FAM171A1: variants seen among roughly 807,000 people sequenced by gnomAD.
FAM171A1 encodes protein FAM171A1.
FAM171A1 carries 23 observed loss-of-function variants against 74.9 expected under a neutral mutation model. The observed-to-expected ratio is 0.31, with a 90% CI of 0.22 to 0.44. FAM171A1 has a LOEUF of 0.44. FAM171A1 is among the 20% of genes least tolerant of loss of function. FAM171A1 has a pLI of 1.00. For missense variants in FAM171A1, 1,162 were observed against 1,159.2 expected (o/e 1.00, Z -0.03); for synonymous variants, 527 against 505.7 (o/e 1.04, Z -0.57).
At chr10:15,369,079 A>G (rs777872046) in intron 1 of FAM171A1, among the ~76,000 whole-genome samples, 5 of 152,146 alleles carry the variant, frequency 3.3e-5, no homozygotes, top group African/African-American at 4.8e-5. Flanking sequence ...ACTGCTAGCC[A>G]TGGCAGAAAC....
At chr10:15,342,445 G>T (rs1285395588) in intron 1 of FAM171A1, among the ~76,000 whole-genome samples, 3 of 152,166 alleles carry the variant, frequency 2.0e-5, no homozygotes, top group Non-Finnish European at 4.4e-5. Context: ...TAGCGCTCCT[G>T]TAGTCTCAGC....
At chr10:15,294,621 G>C (rs1032961118) in intron 1 of FAM171A1, among the ~76,000 whole-genome samples, 14 of 152,098 alleles carry the variant, frequency 9.2e-5, no homozygotes, top group African/African-American at 2.9e-4. Context: ...ATTTTAAGTA[G>C]TACAAAGAGC....
chr10:15,238,179 A>G (rs1178343437), intron 5 of FAM171A1, among the ~76,000 whole-genome samples: 1 of 152,230 alleles, frequency 6.6e-6, no homozygotes, highest in Non-Finnish European at 1.5e-5. Flanking sequence ...CCACCTCAGT[A>G]TTCCAATCTG....
At chr10:15,232,449 GT>G (rs917686351) in intron 5 of FAM171A1, among the ~76,000 whole-genome samples, 1 of 152,102 alleles carries the variant, frequency 6.6e-6, no homozygotes, top group African/African-American at 2.4e-5. Flanking sequence ...TTTCGCCATT[GT>G]TTTATCGCAA....
chr10:15,330,713 C>CTTTTTTTTTTTTTT (rs898772126), intron 1 of FAM171A1, among the ~76,000 whole-genome samples: 1 of 76,758 alleles, frequency 1.3e-5, no homozygotes, highest in Non-Finnish European at 2.3e-5. Flanking sequence ...TCTTCTTCTT[C>CTTTTTTTTTTTTTT]TTTTTTTTTT....
chr10:15,311,809 G>A (rs1439511689), intron 1 of FAM171A1, among the ~76,000 whole-genome samples: 2 of 152,192 alleles, frequency 1.3e-5, no homozygotes, highest in Non-Finnish European at 2.9e-5. Context: ...CCTTTTCTGT[G>A]CATGTGACAG....
At chr10:15,356,062 A>C (rs1047618387) in intron 1 of FAM171A1, among the ~76,000 whole-genome samples, 8 of 152,252 alleles carry the variant, frequency 5.3e-5, no homozygotes, top group Non-Finnish European at 1.0e-4. Flanking sequence ...GTTTGGATTA[A>C]GACATTATTG....
chr10:15,324,761 G>A (rs1455343224), intron 1 of FAM171A1, among the ~76,000 whole-genome samples: 4 of 151,826 alleles, frequency 2.6e-5, no homozygotes, highest in Admixed American at 1.3e-4. Flanking sequence ...ACAAAAAAAA[G>A]GACAAAAAAA....
At chr10:15,306,271 G>A (rs1354619848) in intron 1 of FAM171A1, among the ~76,000 whole-genome samples, 2 of 151,964 alleles carry the variant, frequency 1.3e-5, no homozygotes, top group Non-Finnish European at 2.9e-5. Context: ...CTTTGAAAAA[G>A]TCAAATTAAA....
At chr10:15,307,646 CAAAAA>C (rs560861841) in intron 1 of FAM171A1, among the ~76,000 whole-genome samples, 1,422 of 93,104 alleles carry the variant, frequency 0.015, 21 homozygotes, top group African/African-American at 0.057. Flanking sequence ...AACTCCATTT[CAAAAA>C]AAAAAAAAAA....
chr10:15,263,094 A>C (rs568503578), intron 3 of FAM171A1, among the ~76,000 whole-genome samples: 1 of 152,318 alleles, frequency 6.6e-6, no homozygotes, highest in East Asian at 1.9e-4. Context: ...CAAGCAGAGG[A>C]TGGAGACCAC....
In FAM171A1 at chr10:15,371,095, G is replaced by A. The variant is rs1401309970; in HGVS notation, c.-43C>T. The A allele has an allele frequency of 2.6e-5, 24 of 910,422 alleles. No homozygotes were observed. The highest frequency in any genetic ancestry group is 3.1e-5 in the Non-Finnish European group (24 of 763,064). The allele number at this position is 910,422 out of a possible 1,614,324, so 56.4% of individuals were successfully genotyped here. A position where few individuals can be genotyped will look rare whatever the true frequency, so the allele number is the denominator to read the frequency against. The stretch of plus-strand genomic sequence containing the variant: ...CGGCGGCTCGGGCTCGCCGAGAGCG[G>A]GCCGGGCGGCGGCGCGTCACGGGCG... On this transcript the variant is annotated 5_prime_UTR_variant, in exon 1 of 8. Coordinates refer to ENST00000378116, the MANE Select transcript of FAM171A1 (RefSeq NM_001010924.2).
chr10:15,266,654 T>C (rs1185631459), intron 3 of FAM171A1, among the ~76,000 whole-genome samples: 1 of 151,606 alleles, frequency 6.6e-6, no homozygotes, highest in African/African-American at 2.4e-5. Context: ...TCACTTGAGG[T>C]CAGGAGTTCG....
At chr10:15,298,043 T>C (rs1006214889) in intron 1 of FAM171A1, among the ~76,000 whole-genome samples, 2 of 152,126 alleles carry the variant, frequency 1.3e-5, no homozygotes, top group African/African-American at 4.8e-5. Flanking sequence ...CAAGCAAAAT[T>C]AACAGAATCT....
At chr10:15,279,284 T>G (rs1564631374) in intron 2 of FAM171A1, among the ~76,000 whole-genome samples, 1 of 152,252 alleles carries the variant, frequency 6.6e-6, no homozygotes, top group Non-Finnish European at 1.5e-5. Context: ...GAAAAATGAT[T>G]CCTTGTTTTA....
intron 3 of FAM171A1, among the ~76,000 whole-genome samples, chr10:15,270,849 G>A (rs1233603505): frequency 6.6e-6 from 1 of 152,122 alleles, no homozygotes; most frequent in African/African-American, 2.4e-5. Context: ...CAAACAGAAA[G>A]GACATCCACA....
rs1378120278 is a variant in FAM171A1, at chr10:15,232,464, C to A, written c.755-11404G>T. 3.9e-5 allele frequency among the ~76,000 whole-genome samples: 6 copies of A among 152,156 alleles called. No homozygotes were observed. The East Asian group carries it at 9.6e-4, about 24-fold the overall frequency. ...TTTCGCCATTGTTTTATCGCAAGAGCCTACAACAGAGTCATGTCTGGCACA... is the reference window on the plus strand; with the variant it reads ...TTTCGCCATTGTTTTATCGCAAGAGACTACAACAGAGTCATGTCTGGCACA... On this transcript the variant is annotated intron_variant, in intron 5 of 7. Transcript: ENST00000378116.
intron 1 of FAM171A1, among the ~76,000 whole-genome samples, chr10:15,306,646 G>A (rs1001734147): frequency 2.0e-5 from 3 of 152,158 alleles, no homozygotes; most frequent in African/African-American, 7.2e-5. Context: ...GATTATAGGC[G>A]TGAGCCACTG....
chr10:15,262,710 A>C (rs1834674120), intron 3 of FAM171A1, among the ~76,000 whole-genome samples: 1 of 152,228 alleles, frequency 6.6e-6, no homozygotes, highest in Non-Finnish European at 1.5e-5. Context: ...TTTTGCTTTG[A>C]ATGGCAAAGC....
Sources: allele counts gnomAD v4.1 joint callset (sites outside exome capture counted in the v4.1 genomes callset), GRCh38; gene constraint gnomAD v4.1.1; transcripts MANE v1.5; gene names NCBI Gene and HGNC (gene_info 2026-07-23, HGNC 2026-07-21).